The following HRG variants were observed in gnomAD, a reference collection of about 807,000 sequenced individuals.
HRG encodes histidine-rich glycoprotein.
A neutral mutation model predicts 29.5 loss-of-function variants in HRG; 26 were observed. That is an observed-to-expected ratio of 0.88 (90% CI 0.65 to 1.22). The LOEUF is 1.22. Among genes scored for constraint, HRG ranks in the 50% most tolerant of loss-of-function variants. The pLI is 0.00. For missense variants in HRG, 671 were observed against 654.5 expected, an observed-to-expected ratio of 1.03 and a Z score of -0.28; for synonymous variants, 243 against 240.4, an observed-to-expected ratio of 1.01 and a Z score of -0.10.
At chr3:186,672,169 C>T (rs1165882225) in intron 4 of HRG, among the ~76,000 whole-genome samples, 1 of 152,148 alleles carries the variant, frequency 6.6e-6, no homozygotes, top group Non-Finnish European at 1.5e-5. Flanking sequence ...AGTAATGTGC[C>T]TATAGTTAGA....
Position 186,677,422 on chromosome 3 carries a change from G to C in HRG, c.1117G>C (p.Glu373Gln). Reference protein sequence around the residue: ...GHHPHAHHPHEHDTHRQHPHG... With the variant: ...GHHPHAHHPHQHDTHRQHPHG... ...CCATCCCCATGCACACCATCCTCAT[G>C]AACATGATACCCATAGACAGCATCC... Residue 373 changes from glutamate (E) to glutamine (Q), a missense_variant, in exon 7 of 7, where the codon GAA (glutamate) becomes CAA (glutamine). Transcript: ENST00000232003. 1 of 1,604,046 alleles carries C rather than the reference G, an allele frequency of 6.2e-7. No individual in the cohort carries two copies. Among genetic ancestry groups the C allele is most frequent in the South Asian group, 1.1e-5 (1 of 89,762 alleles).
At chr3:186,670,985 A>T (rs1718767845) in intron 3 of HRG, among the ~76,000 whole-genome samples, 1 of 152,100 alleles carries the variant, frequency 6.6e-6, no homozygotes, top group African/African-American at 2.4e-5. Context: ...GATGATCTGT[A>T]TCTTCTCCTC....
In HRG at chr3:186,672,874, A is replaced by T. The variant is rs373809711; in HGVS notation, c.639+7A>T. On this transcript the variant is annotated splice_region_variant and intron_variant, in intron 5 of 6. Transcript: ENST00000232003. The stretch of plus-strand genomic sequence containing the variant: ...TTTCCCCAGACACCCCAATGTGAGT[A>T]TAAGAAATGTCTGTGATCGTTGACT... The T allele has an allele frequency of 7.0e-6, 11 of 1,576,020 alleles. No individual in the cohort carries two copies. The highest frequency in any genetic ancestry group is 1.4e-5 in the African/African-American group (1 of 73,820).
Position 186,677,512 on chromosome 3 carries a change from G to T in HRG, c.1207G>T (p.Gly403Ter). The T allele has an allele frequency of 6.2e-7, 1 of 1,606,722 alleles. No individual in the cohort carries two copies. The highest frequency in any genetic ancestry group is 1.1e-5 in the South Asian group (1 of 90,324). ...CCACCCCCATGGACACCATCCCCAT[G>T]GACACCATCCCCACTGCCATGATTT... ...GHHPHGHHPH[G>*]HHPHCHDFQD... Residue 403 changes from glycine to a stop codon, truncating the protein, a stop_gained, in exon 7 of 7, where the codon GGA becomes TGA. Coordinates refer to ENST00000232003, the MANE Select transcript of HRG (RefSeq NM_000412.5). LOFTEE classifies it low-confidence loss of function (END_TRUNC).
Position 186,677,802 on chromosome 3 carries a change from A to G in HRG, c.1497A>G (p.Ser499=), listed in dbSNP as rs146265787. The part of the protein sequence containing the change: ...LKPDNQPFPQ[S]VSESCPGKFK... ...CAGACAATCAGCCCTTTCCTCAATC[A>G]GTCTCTGAATCATGTCCAGGGAAGT... The change falls in exon 7 of 7, where the codon TCA becomes TCG. Residue 499 remains serine, a synonymous_variant. Coordinates refer to ENST00000232003, the MANE Select transcript of HRG (RefSeq NM_000412.5). 1.7e-4 allele frequency: 281 copies of G among 1,614,144 alleles called. 1 individual carries two copies. The African/African-American group carries it at 2.8e-3, about 16-fold the overall frequency.
At chr3:186,676,658 A>G (rs1182726002) in intron 6 of HRG, among the ~76,000 whole-genome samples, 6 of 151,580 alleles carry the variant, frequency 4.0e-5, no homozygotes, top group Non-Finnish European at 8.8e-5. Flanking sequence ...AAAAGAAAAA[A>G]AAAAATTAGG....
chr3:186,672,066 A>G (rs1035856150), intron 4 of HRG, among the ~76,000 whole-genome samples: 2 of 152,044 alleles, frequency 1.3e-5, no homozygotes, highest in East Asian at 1.9e-4. Flanking sequence ...AGACAAGAAC[A>G]TATGAGGGTT....
intron 1 of HRG, among the ~76,000 whole-genome samples, chr3:186,666,648 C>T (rs559894347): frequency 5.3e-4 from 81 of 152,322 alleles, no homozygotes; most frequent in African/African-American, 1.7e-3. Flanking sequence ...GGCGCGGTGG[C>T]TCACGCCTGT....
chr3:186,672,139 G>T (rs775432185), intron 4 of HRG, among the ~76,000 whole-genome samples: 1 of 152,162 alleles, frequency 6.6e-6, no homozygotes, highest in Non-Finnish European at 1.5e-5. Flanking sequence ...GAAGTTCAGA[G>T]AAATTACCTC....
At chr3:186,667,064 T>C (rs1357797783) in intron 1 of HRG, 1 of 152,160 alleles carries the variant, frequency 6.6e-6, no homozygotes, top group Admixed American at 6.5e-5. Context: ...AATGCAGAAG[T>C]GTGATGGGAC....
At position 186,668,930 on chromosome 3, in the gene HRG, C is replaced by G; in HGVS notation, c.184-5C>G. ...TACTCACATGTTGCTTTTGGCATTC[C>G]TCAGGAAAATACAACTGTATATTAC... On this transcript the variant is annotated splice_region_variant and splice_polypyrimidine_tract_variant and intron_variant, in intron 1 of 6. Transcript: ENST00000232003. 1 of 1,548,758 alleles carries G rather than the reference C, an allele frequency of 6.5e-7. No homozygotes were observed. Among genetic ancestry groups the G allele is most frequent in the Middle Eastern group, 1.7e-4 (1 of 5,942 alleles).
chr3:186,666,242 G>A lies in HRG; in HGVS notation c.183+28G>A, dbSNP rs762602188. The A allele has an allele frequency of 4.3e-6, 7 of 1,611,306 alleles. No individual in the cohort carries two copies. In the East Asian group the frequency reaches 1.6e-4, roughly 36 times the overall value. ...GAGGAATTGCCAATGGCAGAGCTGA[G>A]TTGGGAGATTACTCACGGGGGCAAA... is the stretch of plus-strand genomic sequence containing the variant. On this transcript the variant is annotated intron_variant, in intron 1 of 6. Coordinates refer to ENST00000232003, the MANE Select transcript of HRG (RefSeq NM_000412.5).
chr3:186,676,846 G>T (rs1341600736), intron 6 of HRG, among the ~76,000 whole-genome samples: 2 of 152,074 alleles, frequency 1.3e-5, no homozygotes, highest in African/African-American at 4.8e-5. Context: ...GTGAAACAAT[G>T]ATGGTGGTAA....
At chr3:186,668,541 A>T (rs755481064) in intron 1 of HRG, 1 of 218,996 alleles carries the variant, frequency 4.6e-6, no homozygotes, top group Non-Finnish European at 9.2e-6. Flanking sequence ...GCAAAGCAAC[A>T]TCAAAGCAGA....
chr3:186,673,392 G>T (rs1222105117), intron 5 of HRG: 1 of 197,690 alleles, frequency 5.1e-6, no homozygotes, highest in African/African-American at 2.3e-5. Flanking sequence ...GGTTACAGGC[G>T]CAAGCCACCA....
chr3:186,677,510 A>G lies in HRG; in HGVS notation c.1205A>G (p.His402Arg). The change falls in exon 7 of 7, where the codon CAT becomes CGT. Residue 402 changes from histidine to arginine, a missense_variant. Transcript: ENST00000232003. ...CACCACCCCCATGGACACCATCCCC[A>G]TGGACACCATCCCCACTGCCATGAT... is the stretch of plus-strand genomic sequence containing the variant. Reference protein sequence around the residue: ...HGHHPHGHHPHGHHPHCHDFQ... With the variant: ...HGHHPHGHHPRGHHPHCHDFQ... 1 of 1,607,216 alleles carries G rather than the reference A, an allele frequency of 6.2e-7. No homozygotes were observed. Among genetic ancestry groups the G allele is most frequent in the Non-Finnish European group, 8.5e-7 (1 of 1,176,166 alleles).
At chr3:186,667,529 A>G (rs148766267) in intron 1 of HRG, among the ~76,000 whole-genome samples, 1 of 152,234 alleles carries the variant, frequency 6.6e-6, no homozygotes, top group African/African-American at 2.4e-5. Context: ...CTGAGCCCCA[A>G]CAATAGCCAA....
In HRG at chr3:186,678,070, G is replaced by C; in HGVS notation, c.*187G>C. 1 of 612,704 alleles carries C rather than the reference G, an allele frequency of 1.6e-6. No individual in the cohort carries two copies. The highest frequency in any genetic ancestry group is 2.7e-5 in the Admixed American group (1 of 37,230). The allele number at this position is 612,704 out of a possible 1,614,324, so 38.0% of individuals were successfully genotyped here. On this transcript the variant is annotated 3_prime_UTR_variant, in exon 7 of 7. Coordinates refer to ENST00000232003, the MANE Select transcript of HRG (RefSeq NM_000412.5). ...AATGGAAAGGAGAGGAAAGAACTCA[G>C]TGCTGCCTATTAGTAGTTAATTCTG... is the stretch of plus-strand genomic sequence containing the variant.
intron 2 of HRG, 84 bp from the exon 3 acceptor site, chr3:186,669,854 A>T (rs1456930280): frequency 1.3e-6 from 1 of 783,424 alleles, no homozygotes; most frequent in African/African-American, 1.7e-5. Context: ...AGGATGTTGC[A>T]TCACCTTTTT....
Sources: allele counts gnomAD v4.1 joint callset (sites outside exome capture counted in the v4.1 genomes callset), GRCh38; gene constraint gnomAD v4.1.1; transcripts MANE v1.5; gene names NCBI Gene and HGNC (gene_info 2026-07-23, HGNC 2026-07-21).